PDE1A: variants seen among roughly 807,000 people sequenced by gnomAD.
PDE1A encodes the protein dual specificity calcium/calmodulin-dependent 3',5'-cyclic nucleotide phosphodiesterase 1A.
A neutral mutation model predicts 61.7 loss-of-function variants in PDE1A; 35 were observed. The ratio of observed to expected loss-of-function variants is 0.57; its 90% confidence interval spans 0.43 to 0.75. The LOEUF (loss-of-function observed/expected upper bound fraction) is 0.75. PDE1A is among the 30% of genes least tolerant of loss of function. The pLI, the probability that PDE1A is intolerant of heterozygous loss-of-function variation, is 0.00. For missense variants in PDE1A, 597 were observed against 630.6 expected, an observed-to-expected ratio of 0.95 and a Z score of 0.57; for synonymous variants, 232 against 213.2, an observed-to-expected ratio of 1.09 and a Z score of -0.77.
chr2:182,301,581 C>G (rs1574294276), intron 1 of PDE1A, among the ~76,000 whole-genome samples: 2 of 152,110 alleles, frequency 1.3e-5, no homozygotes, highest in African/African-American at 4.8e-5. Flanking sequence ...TGGCTGCTAC[C>G]TGATCATTTT....
chr2:182,454,794 T>G (rs1685786340), intron 2 of PDE1A, among the ~76,000 whole-genome samples: 1 of 151,944 alleles, frequency 6.6e-6, no homozygotes, highest in African/African-American at 2.4e-5. Context: ...ACTTACATGT[T>G]AGACCTAAAA....
At chr2:182,214,529 G>A (rs1419994917) in intron 7 of PDE1A, among the ~76,000 whole-genome samples, 1 of 151,908 alleles carries the variant, frequency 6.6e-6, no homozygotes, top group East Asian at 1.9e-4. Context: ...CATCTCACAT[G>A]CAGAGACACA....
intron 13 of PDE1A, among the ~76,000 whole-genome samples, chr2:182,181,374 A>T (rs1684746451): frequency 6.6e-6 from 1 of 152,048 alleles, no homozygotes. Flanking sequence ...CTGCAGTTTG[A>T]TGGGGGTCCA....
At chr2:182,436,514 T>C (rs1684423879) in intron 2 of PDE1A, among the ~76,000 whole-genome samples, 1 of 151,952 alleles carries the variant, frequency 6.6e-6, no homozygotes, top group South Asian at 2.1e-4. Context: ...AAATCAAGTC[T>C]ATCTTAGAAA....
chr2:182,203,667 T>C (rs1465404167), intron 8 of PDE1A, among the ~76,000 whole-genome samples: 1 of 152,102 alleles, frequency 6.6e-6, no homozygotes, highest in Admixed American at 6.6e-5. Flanking sequence ...AACCAACTAA[T>C]AATATGTCAA....
At chr2:182,355,222 A>G (rs1460632531) in intron 1 of PDE1A, among the ~76,000 whole-genome samples, 2 of 151,962 alleles carry the variant, frequency 1.3e-5, no homozygotes, top group Non-Finnish European at 2.9e-5. Flanking sequence ...GAATTATACT[A>G]AAATAAATAT....
the PDE1A span, among the ~76,000 whole-genome samples, chr2:182,666,765 T>G: frequency 6.6e-6 from 1 of 152,206 alleles, no homozygotes; most frequent in African/African-American, 2.4e-5. Flanking sequence ...TACCTCTATC[T>G]AAGCCTTTGT....
At chr2:182,155,591 A>C (rs533866867) in intron 13 of PDE1A, among the ~76,000 whole-genome samples, 31 of 152,162 alleles carry the variant, frequency 2.0e-4, no homozygotes, top group Non-Finnish European at 4.0e-4. Flanking sequence ...CTTGAACTAT[A>C]ATAAGCCCCA....
intron 2 of PDE1A, among the ~76,000 whole-genome samples, chr2:182,470,120 G>A (rs1328925247): frequency 6.6e-6 from 1 of 151,880 alleles, no homozygotes; most frequent in African/African-American, 2.4e-5. Context: ...GGTAGACTTG[G>A]TCAACAGAGG....
chr2:182,194,026 C>G (rs1011069603), intron 10 of PDE1A, among the ~76,000 whole-genome samples: 2 of 152,078 alleles, frequency 1.3e-5, no homozygotes, highest in Non-Finnish European at 2.9e-5. Flanking sequence ...AATAGAGAGG[C>G]CTGACTGTAT....
chr2:182,528,037 G>A (rs1275923573), upstream of PDE1A, among the ~76,000 whole-genome samples: 2 of 152,070 alleles, frequency 1.3e-5, no homozygotes, highest in East Asian at 1.9e-4. Flanking sequence ...GACTAATACA[G>A]TAAATTGGTA....
the PDE1A span, among the ~76,000 whole-genome samples, chr2:182,687,593 C>T: frequency 6.6e-6 from 1 of 152,156 alleles, no homozygotes; most frequent in Non-Finnish European, 1.5e-5. Flanking sequence ...AAAAACAGAA[C>T]AGAAAAACTG....
the PDE1A span, among the ~76,000 whole-genome samples, chr2:182,636,802 C>T: frequency 5.0e-3 from 757 of 152,268 alleles, 7 homozygotes; most frequent in African/African-American, 0.017. Context: ...AATATGCCTC[C>T]CAGCTCAGTC....
At chr2:182,669,913 C>T in the PDE1A span, among the ~76,000 whole-genome samples, 1 of 152,230 alleles carries the variant, frequency 6.6e-6, no homozygotes, top group African/African-American at 2.4e-5. Context: ...CATCTGAGCC[C>T]TCGGAGCATC....
chr2:182,271,777 T>C (rs992727746), intron 1 of PDE1A, among the ~76,000 whole-genome samples: 1 of 152,294 alleles, frequency 6.6e-6, no homozygotes, highest in African/African-American at 2.4e-5. Context: ...AGGGTATTTA[T>C]GGTTTGCATT....
intron 10 of PDE1A, among the ~76,000 whole-genome samples, chr2:182,191,477 A>AT (rs1413672173): frequency 1.3e-5 from 2 of 152,188 alleles, no homozygotes; most frequent in Non-Finnish European, 2.9e-5. Flanking sequence ...AGAGATGCTT[A>AT]TTTAACATAT....
intron 2 of PDE1A, among the ~76,000 whole-genome samples, chr2:182,480,885 C>G (rs1439229043): frequency 6.6e-6 from 1 of 151,866 alleles, no homozygotes; most frequent in Non-Finnish European, 1.5e-5. Context: ...GATATTTCCT[C>G]TCTTCCCTCC....
At chr2:182,170,773 T>C (rs971598917) in intron 13 of PDE1A, among the ~76,000 whole-genome samples, 3 of 151,970 alleles carry the variant, frequency 2.0e-5, no homozygotes, top group African/African-American at 7.2e-5. Flanking sequence ...AACATAAAGA[T>C]GTAGTTAGTA....
upstream of PDE1A, among the ~76,000 whole-genome samples, chr2:182,523,867 T>C (rs1263036805): frequency 6.6e-6 from 1 of 152,152 alleles, no homozygotes; most frequent in East Asian, 1.9e-4. Context: ...TCTATACAAA[T>C]GACACTGATG....
Sources: allele counts gnomAD v4.1 joint callset (sites outside exome capture counted in the v4.1 genomes callset), GRCh38; gene constraint gnomAD v4.1.1; transcripts MANE v1.5; gene names NCBI Gene and HGNC (gene_info 2026-07-23, HGNC 2026-07-21).